Variants in RNF207 observed in about 807,000 individuals in gnomAD.
The protein encoded by RNF207 is OTTHUMG00000001089.
A neutral mutation model predicts 79.0 loss-of-function variants in RNF207; 72 were observed. The ratio of observed to expected loss-of-function variants is 0.91; its 90% CI spans 0.75 to 1.11. The LOEUF (loss-of-function observed/expected upper bound fraction) is 1.11, where lower values mean the gene tolerates loss of function less well. RNF207 is among the 50% of genes least tolerant of loss of function. RNF207 has a pLI of 0.00. For missense variants in RNF207, 936 were observed against 855.8 expected, an observed-to-expected ratio of 1.09 and a Z score of -1.17; for synonymous variants, 348 against 366.2, an observed-to-expected ratio of 0.95 and a Z score of 0.57.
rs1386088219 is a variant in RNF207, at chr1:6,219,273, A to C, written c.1771A>C (p.Thr591Pro). 6 of 1,612,660 alleles carry C rather than the reference A, an allele frequency of 3.7e-6. No individual in the cohort carries two copies. Among genetic ancestry groups the C allele is most frequent in the Non-Finnish European group, 5.1e-6 (6 of 1,179,466 alleles). The change falls in exon 18 of 18, where the codon ACA becomes CCA. Residue 591 changes from threonine to proline, a missense_variant. Thr to Pro is a conservative substitution (Grantham distance 38, BLOSUM62 -1). Transcript: ENST00000377939. The stretch of plus-strand genomic sequence containing the variant: ...AAGTGTCCCGGAAAAGAGAGAGAAG[A>C]CATCAGAGCCTAAAGGAAACAGCTG... ...PGSVPEKREK[T>P]SEPKGNSWAP...
In RNF207 at chr1:6,219,480, C is replaced by A; in HGVS notation, c.*73C>A. On this transcript the variant is annotated 3_prime_UTR_variant, in exon 18 of 18. Coordinates refer to ENST00000377939, the MANE Select transcript of RNF207 (RefSeq NM_207396.3). ...CTGGGACACTGGACAGAAGGTTGTTCCCATGATGGTTTTTTTTATTTTTTA... is the reference window on the plus strand; with the variant it reads ...CTGGGACACTGGACAGAAGGTTGTTACCATGATGGTTTTTTTTATTTTTTA... The A allele has an allele frequency of 8.9e-7, 1 of 1,125,986 alleles. No homozygotes were observed. The highest frequency in any genetic ancestry group is 1.6e-5 in the African/African-American group (1 of 64,366). 69.7% of individuals were successfully genotyped at this position (1,125,986 alleles called of 1,614,324 possible).
Position 6,208,877 on chromosome 1 carries a change from G to A in RNF207, c.325-4G>A. On this transcript the variant is annotated splice_polypyrimidine_tract_variant and splice_region_variant and intron_variant, in intron 3 of 17. Coordinates refer to ENST00000377939, the MANE Select transcript of RNF207 (RefSeq NM_207396.3). ...GCGCTCCTGAGCCCGCGCTCGGCCC[G>A]CAGGACGTGGAGACCACGTACTTCT... 6.6e-7 allele frequency: 1 copy of A among 1,525,200 alleles called. No homozygotes were observed. 94.5% of individuals were successfully genotyped at this position (1,525,200 alleles called of 1,614,324 possible).
In RNF207 at chr1:6,206,691, C is replaced by G; in HGVS notation, c.156C>G (p.Arg52=). ...HDFCAGCLRG[R]ATDGRLTCPL... ...TCTGTGCCGGCTGCCTGCGTGGCCG[C>G]GCGACCGACGGCCGCCTCACCTGCC... Residue 52 remains arginine (R), a synonymous_variant, in exon 2 of 18, where the codon CGC becomes CGG. Coordinates refer to ENST00000377939, the MANE Select transcript of RNF207 (RefSeq NM_207396.3). 6.2e-7 allele frequency: 1 copy of G among 1,603,442 alleles called. No homozygotes were observed. The highest frequency in any genetic ancestry group is 8.5e-7 in the Non-Finnish European group (1 of 1,179,694).
At position 6,209,927 on chromosome 1, in the gene RNF207, A is replaced by G; in HGVS notation, c.757A>G (p.Arg253Gly). Residue 253 changes from arginine (R) to glycine (G), a missense_variant, in exon 8 of 18, where the codon AGG becomes GGG. By Grantham distance (125) the Arg-to-Gly change is moderately radical. Coordinates refer to ENST00000377939, the MANE Select transcript of RNF207 (RefSeq NM_207396.3). ...IHALFGSMQD[R>G]LAERKALLLQ... ...GCATGCTCGCCATCTCTCCCAGGACAGGCTGGCAGAGAGGAAAGCGCTGCT... is the reference window on the plus strand; with the variant it reads ...GCATGCTCGCCATCTCTCCCAGGACGGGCTGGCAGAGAGGAAAGCGCTGCT... 6.3e-7 allele frequency: 1 copy of G among 1,588,046 alleles called. No homozygotes were observed.
In RNF207 at chr1:6,207,811, T is replaced by G. The variant is rs1166438878; in HGVS notation, c.324+300T>G. On this transcript the variant is annotated intron_variant, in intron 3 of 17. Coordinates refer to ENST00000377939, the MANE Select transcript of RNF207 (RefSeq NM_207396.3). The surrounding 1 kb of genome is among the most constrained non-coding windows in gnomAD (Gnocchi z 4.5). ...TTGTGGACCTGCACAGGAGGGGCAG[T>G]CCAGTTTGCAGGCCTGGGCCGACCC... 3 of 596,834 alleles carry G rather than the reference T, an allele frequency of 5.0e-6. No homozygotes were observed. Among genetic ancestry groups the G allele is most frequent in the Non-Finnish European group, 9.4e-6 (3 of 317,854 alleles). The allele number at this position is 596,834 out of a possible 1,614,324, so 37.0% of individuals were successfully genotyped here.
rs923478577 is a variant in RNF207, at chr1:6,211,435, C to G, written c.1109+317C>G. On this transcript the variant is annotated intron_variant, in intron 12 of 17. Coordinates refer to ENST00000377939, the MANE Select transcript of RNF207 (RefSeq NM_207396.3). The surrounding 1 kb of genome is among the most constrained non-coding windows in gnomAD (Gnocchi z 4.2). ...CTGGGGTGGGGCGCCTGGGGCTGGG[C>G]TGACCGCCACCTAGGTGGCCTGAGG... is the stretch of plus-strand genomic sequence containing the variant. 4.1e-4 allele frequency among the ~76,000 whole-genome samples: 63 copies of G among 152,272 alleles called. No individual in the cohort carries two copies. Among genetic ancestry groups the G allele is most frequent in the African/African-American group, 1.4e-3 (58 of 41,568 alleles).
In RNF207 at chr1:6,209,301, G is replaced by C; in HGVS notation, c.585G>C (p.Ser195=). ...GGGCACACTGCGTGGACCTGGAATC[G>C]GCTTACGTGCAGGGCTGCGAGCGGC... is the stretch of plus-strand genomic sequence containing the variant. The part of the protein sequence containing the change: ...ESRAHCVDLE[S]AYVQGCERLE... The change falls in exon 6 of 18, where the codon TCG becomes TCC. Residue 195 remains serine, a synonymous_variant. Transcript: ENST00000377939. The C allele has an allele frequency of 6.5e-7, 1 of 1,548,296 alleles. No homozygotes were observed. Among genetic ancestry groups the C allele is most frequent in the Non-Finnish European group, 8.7e-7 (1 of 1,146,700 alleles).
At chr1:6,215,717 A>G (rs978198498) in intron 16 of RNF207, among the ~76,000 whole-genome samples, 4 of 151,938 alleles carry the variant, frequency 2.6e-5, no homozygotes, top group African/African-American at 9.7e-5. Context: ...CTGGAGTGCA[A>G]TGGCGCCATC....
chr1:6,217,270 T>C lies in RNF207; in HGVS notation c.1653-1019T>C, dbSNP rs1404767542. ...CTGGTCTCTGGCTGGCTCTGCCTCC[T>C]CAGCTCAGTGCCCAGATATGTTTTT... On this transcript the variant is annotated intron_variant, in intron 16 of 17. Coordinates refer to ENST00000377939, the MANE Select transcript of RNF207 (RefSeq NM_207396.3). The surrounding 1 kb of genome is among the most constrained non-coding windows in gnomAD (Gnocchi z 4.2). Among the ~76,000 whole-genome samples, 1 of 152,200 alleles carries C rather than the reference T, an allele frequency of 6.6e-6. No homozygotes were observed. Among genetic ancestry groups the C allele is most frequent in the African/African-American group, 2.4e-5 (1 of 41,454 alleles).
intron 17 of RNF207, among the ~76,000 whole-genome samples, chr1:6,218,688 GAA>G (rs1433737020): frequency 3.3e-5 from 5 of 152,338 alleles, no homozygotes; most frequent in African/African-American, 1.2e-4. Flanking sequence ...ACTGAAATGA[GAA>G]AGTGACCGAG....
Position 6,207,476 on chromosome 1 carries a change from C to G in RNF207, c.289C>G (p.Arg97Gly). Residue 97 changes from arginine (R) to glycine (G), a missense_variant, in exon 3 of 18, where the codon CGC becomes GGC. By Grantham distance (125) the Arg-to-Gly change is moderately radical. Transcript: ENST00000377939. The surrounding 1 kb of genome is among the most constrained non-coding windows in gnomAD (Gnocchi z 4.5). ...DSSGDGVEAVRCANCDLECSE... is the reference protein window; with the variant it reads ...DSSGDGVEAVGCANCDLECSE... ...CTCAGGGGATGGCGTGGAGGCGGTG[C>G]GCTGTGCCAACTGTGACCTGGAGTG... 1 of 1,597,310 alleles carries G rather than the reference C, an allele frequency of 6.3e-7. No homozygotes were observed. Among genetic ancestry groups the G allele is most frequent in the Non-Finnish European group, 8.5e-7 (1 of 1,171,674 alleles).
chr1:6,208,176 C>T lies in RNF207; in HGVS notation c.324+665C>T, dbSNP rs184125679. On this transcript the variant is annotated intron_variant, in intron 3 of 17. Coordinates refer to ENST00000377939, the MANE Select transcript of RNF207 (RefSeq NM_207396.3). ...CTGGGTCTGGCTTGGGGAGGAGAAC[C>T]TTAAAGCCCTCACTGCTCTTCCCCT... 39 of 176,448 alleles carry T rather than the reference C, an allele frequency of 2.2e-4. No individual in the cohort carries two copies. In the East Asian group the frequency reaches 5.6e-3, roughly 25 times the overall value. The allele number at this position is 176,448 out of a possible 1,614,324, so 10.9% of individuals were successfully genotyped here. A position where few individuals can be genotyped will look rare whatever the true frequency, so the allele number is the denominator to read the frequency against.
intron 16 of RNF207, among the ~76,000 whole-genome samples, chr1:6,214,612 A>G (rs1359252975): frequency 7.3e-6 from 1 of 137,814 alleles, no homozygotes; most frequent in East Asian, 2.1e-4. Flanking sequence ...CAAGTTGGCC[A>G]GGCTGGAATA....
rs1476783160 is a variant in RNF207, at chr1:6,207,594, T to C, written c.324+83T>C. The C allele has an allele frequency of 6.9e-7, 1 of 1,456,748 alleles. No individual in the cohort carries two copies. Among genetic ancestry groups the C allele is most frequent in the Admixed American group, 2.0e-5 (1 of 51,028 alleles). 90.2% of individuals were successfully genotyped at this position (1,456,748 alleles called of 1,614,324 possible). A position where few individuals can be genotyped will look rare whatever the true frequency, so the allele number is the denominator to read the frequency against. On this transcript the variant is annotated intron_variant, in intron 3 of 17. Coordinates refer to ENST00000377939, the MANE Select transcript of RNF207 (RefSeq NM_207396.3). This position sits in a 1 kb window ranked among gnomAD's most constrained non-coding sequence, Gnocchi z 4.5. ...AATGCTTGCACATGCACTCAGCATG[T>C]CTTCAGAGGACGACCTGGCAGTGGA...
chr1:6,206,174 AG>A lies in RNF207; in HGVS notation c.-126del. ...TCGCCCGGTGCGGGCCTGAACTTCC[AG>A]GGCCGGCTACTCCTCGGCAGAGCGA... On this transcript the variant is annotated 5_prime_UTR_variant, in exon 1 of 18. Transcript: ENST00000377939. 4.4e-6 allele frequency: 1 copy of A among 227,600 alleles called. No homozygotes were observed. Among genetic ancestry groups the A allele is most frequent in the Non-Finnish European group, 8.5e-6 (1 of 117,406 alleles). The allele number at this position is 227,600 out of a possible 1,614,324, so 14.1% of individuals were successfully genotyped here. A position where few individuals can be genotyped will look rare whatever the true frequency, so the allele number is the denominator to read the frequency against.
chr1:6,218,384 T>G lies in RNF207; in HGVS notation c.1733+15T>G. On this transcript the variant is annotated intron_variant, in intron 17 of 17. Coordinates refer to ENST00000377939, the MANE Select transcript of RNF207 (RefSeq NM_207396.3). The stretch of plus-strand genomic sequence containing the variant: ...GCCTCAGCCAGGTAAAGCAAGTCTC[T>G]CCACTGGAGAGTGTGCACGCGATGT... The G allele has an allele frequency of 3.8e-6, 6 of 1,591,776 alleles. No individual in the cohort carries two copies. The highest frequency in any genetic ancestry group is 5.2e-6 in the Non-Finnish European group (6 of 1,160,076).
chr1:6,206,326 G>A, intron 1 of RNF207, 24 bp downstream of exon 1: 1 of 559,862 alleles, frequency 1.8e-6, no homozygotes. Flanking sequence ...CCCGCCCCTC[G>A]CCAGTCCTCA....
rs1668179589 is a variant in RNF207, at chr1:6,211,871, GCAGGGGGCTTAGGCCC to G, written c.1117_1132del (p.Gly373ArgfsTer3). 1.3e-6 allele frequency: 2 copies of G among 1,547,670 alleles called. No individual in the cohort carries two copies. The highest frequency in any genetic ancestry group is 1.7e-6 in the Non-Finnish European group (2 of 1,146,062). On this transcript the variant is annotated frameshift_variant, in exon 13 of 18. Transcript: ENST00000377939. LOFTEE classifies it high-confidence loss of function. This position sits in a 1 kb window ranked among gnomAD's most constrained non-coding sequence, Gnocchi z 4.2. Reference sequence around the variant, plus strand: ...CCACACTGGCTCTCTCCCCAGGCTGGCAGGGGGCTTAGGCCCCAAGGCGCTGACGGGGCCCCACTGC... The same window carrying G: ...CCACACTGGCTCTCTCCCCAGGCTGGCAAGGCGCTGACGGGGCCCCACTGC...
chr1:6,207,724 G>C lies in RNF207; in HGVS notation c.324+213G>C. On this transcript the variant is annotated intron_variant, in intron 3 of 17. Transcript: ENST00000377939. This position sits in a 1 kb window ranked among gnomAD's most constrained non-coding sequence, Gnocchi z 4.5. ...AGGGACTTGAGCCAGTGTCCAGACAGTGGCAGAGGCTAAGGCCATTCGATC... is the reference window on the plus strand; with the variant it reads ...AGGGACTTGAGCCAGTGTCCAGACACTGGCAGAGGCTAAGGCCATTCGATC... The C allele has an allele frequency of 1.4e-6, 1 of 709,110 alleles. No individual in the cohort carries two copies. Among genetic ancestry groups the C allele is most frequent in the Non-Finnish European group, 2.5e-6 (1 of 392,454 alleles). The allele number at this position is 709,110 out of a possible 1,614,324, so 43.9% of individuals were successfully genotyped here. A position where few individuals can be genotyped will look rare whatever the true frequency, so the allele number is the denominator to read the frequency against.
Sources: gnomAD v4.1 joint callset for allele counts (sites outside exome capture counted in the v4.1 genomes callset) on GRCh38, gnomAD v4.1.1 for gene constraint, Gnocchi (gnomAD v3.1) non-coding constraint, MANE v1.5 for transcripts, NCBI Gene and HGNC (gene_info 2026-07-23, HGNC 2026-07-21) for gene names.